Variants in ATP8B4 observed in about 807,000 individuals in gnomAD.
The protein encoded by ATP8B4 is probable phospholipid-transporting ATPase IM.
A neutral mutation model predicts 145.6 loss-of-function variants in ATP8B4; 133 were observed. That is an observed-to-expected ratio of 0.91 (90% CI 0.79 to 1.05). The LOEUF (loss-of-function observed/expected upper bound fraction) is 1.05. ATP8B4 is among the 50% of genes least tolerant of loss of function. The probability of loss-of-function intolerance (pLI) is 0.00; values close to 1 mark genes in which losing one functional copy is unlikely to be tolerated. For synonymous variants in ATP8B4, 507 were observed against 492.9 expected (o/e 1.03, Z -0.38); for missense variants, 1,458 against 1,425.2 (o/e 1.02, Z -0.37).
intron 7 of ATP8B4, among the ~76,000 whole-genome samples, chr15:50,004,190 T>C (rs1270888781): frequency 6.6e-6 from 1 of 152,184 alleles, no homozygotes; most frequent in African/African-American, 2.4e-5. Context: ...TTTGTTAACC[T>C]CGTCCTTCAA....
At chr15:49,990,096 C>T (rs889013299) in intron 9 of ATP8B4, among the ~76,000 whole-genome samples, 2 of 152,028 alleles carry the variant, frequency 1.3e-5, no homozygotes, top group African/African-American at 2.4e-5. Flanking sequence ...GCACAACAGC[C>T]GGGGCTTAGT....
chr15:49,892,527 C>G (rs956430697), intron 23 of ATP8B4, among the ~76,000 whole-genome samples: 3 of 152,110 alleles, frequency 2.0e-5, no homozygotes, highest in African/African-American at 7.2e-5. Context: ...TCATTTTGCT[C>G]TTTGTACATC....
At chr15:49,937,444 C>T (rs1471373941) in intron 14 of ATP8B4, among the ~76,000 whole-genome samples, 2 of 152,110 alleles carry the variant, frequency 1.3e-5, no homozygotes, top group Non-Finnish European at 2.9e-5. Context: ...TCAATTAAGC[C>T]TCACAGGGCC....
chr15:50,011,389 G>C (rs1396039266), intron 6 of ATP8B4, among the ~76,000 whole-genome samples: 2 of 152,146 alleles, frequency 1.3e-5, no homozygotes, highest in African/African-American at 2.4e-5. Context: ...ACTCTGGAAA[G>C]GACAAGAACA....
At chr15:49,986,545 G>A (rs915341946) in intron 10 of ATP8B4, among the ~76,000 whole-genome samples, 5 of 152,216 alleles carry the variant, frequency 3.3e-5, no homozygotes, top group Non-Finnish European at 7.3e-5. Flanking sequence ...GGAATTGGGA[G>A]AACGTTTCTA....
At chr15:50,124,001 A>C (rs536629022), upstream of ATP8B4, among the ~76,000 whole-genome samples, 2 of 152,276 alleles carry the variant, frequency 1.3e-5, no homozygotes, top group East Asian at 3.9e-4. Context: ...TCCTTACCTC[A>C]GCAGGTGACA....
intron 9 of ATP8B4, among the ~76,000 whole-genome samples, chr15:49,988,065 CAT>C (rs2046769169): frequency 2.0e-5 from 3 of 152,306 alleles, no homozygotes; most frequent in African/African-American, 4.8e-5. Context: ...TTGTTTGCCA[CAT>C]GAGTCTGAGA....
chr15:50,061,471 A>G (rs762579272), intron 3 of ATP8B4, among the ~76,000 whole-genome samples: 2 of 152,212 alleles, frequency 1.3e-5, no homozygotes, highest in Non-Finnish European at 2.9e-5. Flanking sequence ...TTTAGTAATA[A>G]CTATTTGTTG....
At chr15:49,998,931 G>T (rs951135980) in intron 8 of ATP8B4, among the ~76,000 whole-genome samples, 11 of 152,204 alleles carry the variant, frequency 7.2e-5, no homozygotes, top group Admixed American at 5.9e-4. Context: ...GTGTAAGGAA[G>T]GGATCCAGTT....
At chr15:50,089,917 G>A (rs1206014702) in intron 2 of ATP8B4, among the ~76,000 whole-genome samples, 1 of 152,150 alleles carries the variant, frequency 6.6e-6, no homozygotes, top group African/African-American at 2.4e-5. Flanking sequence ...GCACACGTAT[G>A]TTCATTGCAG....
At position 49,860,159 on chromosome 15, in the gene ATP8B4, G is replaced by A. The variant is rs1335232520; in HGVS notation, c.*35C>T. Reference sequence around the variant, plus strand: ...GCAGAATTTCAGCTCCACCTGAAGTGAAAAGATAACTACGTGGTTTAAATT... The same window carrying A: ...GCAGAATTTCAGCTCCACCTGAAGTAAAAAGATAACTACGTGGTTTAAATT... On this transcript the variant is annotated 3_prime_UTR_variant, in exon 28 of 28. Transcript: ENST00000284509. The A allele has an allele frequency of 6.4e-7, 1 of 1,565,740 alleles. No individual in the cohort carries two copies. Among genetic ancestry groups the A allele is most frequent in the Non-Finnish European group, 8.7e-7 (1 of 1,155,712 alleles).
At chr15:50,081,212 A>G (rs2054538012) in intron 2 of ATP8B4, among the ~76,000 whole-genome samples, 2 of 152,226 alleles carry the variant, frequency 1.3e-5, no homozygotes, top group South Asian at 4.1e-4. Context: ...ATACAAGCAC[A>G]TTTTAACTCA....
intron 3 of ATP8B4, among the ~76,000 whole-genome samples, chr15:50,070,726 G>A (rs762722828): frequency 9.3e-5 from 14 of 151,132 alleles, no homozygotes; most frequent in Non-Finnish European, 1.8e-4. Flanking sequence ...TTGGTTTTTT[G>A]TGTTGTGTTT....
At chr15:49,899,188 C>T (rs1235926431) in intron 21 of ATP8B4, among the ~76,000 whole-genome samples, 2 of 152,130 alleles carry the variant, frequency 1.3e-5, no homozygotes, top group African/African-American at 4.8e-5. Flanking sequence ...TGGGCTCTTT[C>T]TTGCCTCTGT....
chr15:49,890,261 G>A (rs2036646131), intron 23 of ATP8B4, among the ~76,000 whole-genome samples: 1 of 152,194 alleles, frequency 6.6e-6, no homozygotes, highest in Non-Finnish European at 1.5e-5. Context: ...TCTCACTGCT[G>A]TCAGGACTGG....
At chr15:50,116,623 G>T (rs1252105992) in intron 1 of ATP8B4, among the ~76,000 whole-genome samples, 2 of 152,140 alleles carry the variant, frequency 1.3e-5, no homozygotes. Context: ...GAGAGGTGAG[G>T]AAAGGACAGA....
At chr15:49,877,181 C>T (rs2034581556) in intron 24 of ATP8B4, among the ~76,000 whole-genome samples, 1 of 152,178 alleles carries the variant, frequency 6.6e-6, no homozygotes, top group South Asian at 2.1e-4. Context: ...TTGACACCAA[C>T]CAGGTCCCAA....
At chr15:50,081,953 T>C (rs77651542) in intron 2 of ATP8B4, among the ~76,000 whole-genome samples, 2,020 of 152,322 alleles carry the variant, frequency 0.013, 17 homozygotes, top group Non-Finnish European at 0.019. Flanking sequence ...TGATATTTCC[T>C]GAGCAAGACT....
At chr15:50,109,612 A>G (rs2056844427) in intron 1 of ATP8B4, among the ~76,000 whole-genome samples, 1 of 151,446 alleles carries the variant, frequency 6.6e-6, no homozygotes, top group Admixed American at 6.6e-5. Flanking sequence ...AGAGCAGAGG[A>G]AAGGAAGAAC....
Sources: gnomAD v4.1 joint callset for allele counts (sites outside exome capture counted in the v4.1 genomes callset) on GRCh38, gnomAD v4.1.1 for gene constraint, MANE v1.5 for transcripts, NCBI Gene and HGNC (gene_info 2026-07-23, HGNC 2026-07-21) for gene names.